The following REDIC1 variants were observed in gnomAD, a reference collection of about 807,000 sequenced individuals.
REDIC1 encodes the protein regulator of DNA class I crossover intermediates 1, also known as HEI10 Interacting Protein 1.
At chr12:39,821,957 T>C in the REDIC1 span, among the ~76,000 whole-genome samples, 10 of 152,144 alleles carry the variant, frequency 6.6e-5, no homozygotes, top group Non-Finnish European at 1.5e-5. Context: ...TTAGGGTACA[T>C]GTGCACAATG....
the REDIC1 span, among the ~76,000 whole-genome samples, chr12:39,667,228 A>G: frequency 1.3e-5 from 2 of 152,112 alleles, no homozygotes; most frequent in Non-Finnish European, 2.9e-5. Context: ...CCCTCTATAC[A>G]CTGCTTTGAA....
At chr12:39,686,440 T>C in the REDIC1 span, among the ~76,000 whole-genome samples, 1 of 149,240 alleles carries the variant, frequency 6.7e-6, no homozygotes, top group Non-Finnish European at 1.5e-5. Context: ...CAGACTGAGC[T>C]GTACATGGGC....
chr12:39,676,539 A>G, the REDIC1 span, among the ~76,000 whole-genome samples: 1 of 152,228 alleles, frequency 6.6e-6, no homozygotes, highest in Admixed American at 6.5e-5. Context: ...ATTTGAGGTA[A>G]TAATCGAGGA....
the REDIC1 span, among the ~76,000 whole-genome samples, chr12:39,740,539 C>T: frequency 6.6e-6 from 1 of 152,108 alleles, no homozygotes; most frequent in Admixed American, 6.5e-5. Flanking sequence ...CACCACTTTA[C>T]AAGGTATAAG....
At chr12:39,821,160 T>A in the REDIC1 span, among the ~76,000 whole-genome samples, 10 of 152,268 alleles carry the variant, frequency 6.6e-5, no homozygotes, top group African/African-American at 2.2e-4. Flanking sequence ...ACGCCTGTAA[T>A]CCCAGCACTT....
chr12:39,714,200 T>TGTATGCATGC, the REDIC1 span, among the ~76,000 whole-genome samples: 2 of 75,694 alleles, frequency 2.6e-5, no homozygotes, highest in Admixed American at 3.5e-4. Context: ...TGTATATATG[T>TGTATGCATGC]ATATACATGC....
the REDIC1 span, among the ~76,000 whole-genome samples, chr12:39,705,067 TATA>T: frequency 6.6e-6 from 1 of 151,376 alleles, no homozygotes; most frequent in East Asian, 1.9e-4. Flanking sequence ...AAACTTAAAG[TATA>T]ATAATAATAA....
the REDIC1 span, chr12:39,736,829 T>C: frequency 6.6e-6 from 1 of 152,144 alleles, no homozygotes; most frequent in Non-Finnish European, 1.5e-5. Context: ...GCTTGAGAAG[T>C]CCCAGCTTTC....
chr12:39,873,550 T>C, the REDIC1 span, among the ~76,000 whole-genome samples: 1 of 152,206 alleles, frequency 6.6e-6, no homozygotes, highest in Non-Finnish European at 1.5e-5. Flanking sequence ...GAATTTGACA[T>C]GTGTCATGCT....
the REDIC1 span, chr12:39,646,418 C>T: frequency 4.6e-6 from 7 of 1,509,224 alleles, no homozygotes; most frequent in Middle Eastern, 3.5e-4. Context: ...AATGTCGCCT[C>T]ACTGTGTACC....
the REDIC1 span, among the ~76,000 whole-genome samples, chr12:39,906,006 G>C: frequency 1.3e-5 from 2 of 152,070 alleles, no homozygotes; most frequent in African/African-American, 4.8e-5. Flanking sequence ...AGCTGATTAA[G>C]AGGACTCTCA....
the REDIC1 span, among the ~76,000 whole-genome samples, chr12:39,728,385 G>A: frequency 6.6e-6 from 1 of 151,766 alleles, no homozygotes; most frequent in East Asian, 1.9e-4. Flanking sequence ...GCCTTTTTTT[G>A]CATATATTGA....
chr12:39,849,520 T>C, the REDIC1 span, among the ~76,000 whole-genome samples: 1 of 152,202 alleles, frequency 6.6e-6, no homozygotes, highest in Non-Finnish European at 1.5e-5. Context: ...ATTGAGGTGC[T>C]CATGACTGCC....
At chr12:39,883,118 G>C in the REDIC1 span, among the ~76,000 whole-genome samples, 2 of 151,814 alleles carry the variant, frequency 1.3e-5, no homozygotes, top group African/African-American at 4.8e-5. Flanking sequence ...ATATAATTCA[G>C]TGTTAAGTAT....
At chr12:39,653,603 C>A in the REDIC1 span, among the ~76,000 whole-genome samples, 1 of 125,870 alleles carries the variant, frequency 7.9e-6, no homozygotes, top group East Asian at 2.2e-4. Flanking sequence ...TCTTCTTCTT[C>A]TTTTTTTTTT....
chr12:39,689,513 G>C, the REDIC1 span, among the ~76,000 whole-genome samples: 3 of 152,280 alleles, frequency 2.0e-5, no homozygotes, highest in East Asian at 5.8e-4. Flanking sequence ...GAGGTGAGAA[G>C]AGATGTTTCA....
the REDIC1 span, among the ~76,000 whole-genome samples, chr12:39,774,372 T>C: frequency 6.6e-6 from 1 of 152,214 alleles, no homozygotes; most frequent in Non-Finnish European, 1.5e-5. Context: ...GGCCCATTAC[T>C]TCTCAGATAC....
At chr12:39,729,063 G>A in the REDIC1 span, among the ~76,000 whole-genome samples, 2 of 151,682 alleles carry the variant, frequency 1.3e-5, no homozygotes, top group Non-Finnish European at 2.9e-5. Flanking sequence ...TTCTTTGTTA[G>A]TCTGGCTAGT....
chr12:39,667,468 A>G, the REDIC1 span, among the ~76,000 whole-genome samples: 2 of 152,172 alleles, frequency 1.3e-5, no homozygotes, highest in Admixed American at 6.5e-5. Context: ...ACATTTGCTG[A>G]GGAGTGCTTT....
Sources: gnomAD v4.1 joint callset for allele counts (sites outside exome capture counted in the v4.1 genomes callset) on GRCh38, gnomAD v4.1.1 for gene constraint, MANE v1.5 for transcripts, NCBI Gene and HGNC (gene_info 2026-07-23, HGNC 2026-07-21) for gene names.